The following LILRB1 variants were observed in gnomAD, a reference collection of about 807,000 sequenced individuals.
LILRB1 encodes leukocyte immunoglobulin-like receptor subfamily B member 1.
LILRB1 carries 59 observed loss-of-function variants against 74.6 expected under a neutral mutation model. That is an observed-to-expected ratio of 0.79 (90% CI 0.64 to 0.98). The LOEUF is 0.98. LILRB1 is among the 50% of genes least tolerant of loss of function. The probability of loss-of-function intolerance (pLI) is 0.00; values close to 1 mark genes in which losing one functional copy is unlikely to be tolerated. For synonymous variants in LILRB1, 328 were observed against 333.9 expected (o/e 0.98, Z 0.19); for missense variants, 804 against 822.6 (o/e 0.98, Z 0.28).
intron 4 of LILRB1, 53 bp downstream of exon 4, chr19:54,631,840 A>C: frequency 6.2e-7 from 1 of 1,601,478 alleles, no homozygotes; most frequent in Middle Eastern, 1.7e-4. Flanking sequence ...AGGAAGGGGG[A>C]CGGCTCTCAG....
At chr19:54,629,161 G>A (rs1345714917), upstream of LILRB1, among the ~76,000 whole-genome samples, 1 of 152,092 alleles carries the variant, frequency 6.6e-6, no homozygotes, top group African/African-American at 2.4e-5. Context: ...CAAAACTGTA[G>A]CATTTGTGGG....
intron 1 of LILRB1, among the ~76,000 whole-genome samples, chr19:54,624,360 T>C (rs112720397): frequency 0.94 from 142,596 of 151,862 alleles, 66,953 homozygotes; most frequent in East Asian, 1. Flanking sequence ...GACACACACT[T>C]TTGTCTCTCC....
rs931593747 is a variant in LILRB1, at chr19:54,636,938, C to G, written c.*60C>G. 5.6e-6 allele frequency: 9 copies of G among 1,604,574 alleles called. No homozygotes were observed. Among genetic ancestry groups the G allele is most frequent in the East Asian group, 4.5e-5 (2 of 44,774 alleles). The stretch of plus-strand genomic sequence containing the variant: ...GTCTGGAATGCATGGGAGCTGCCCC[C>G]CCAGTGGACACCATTGGACCCCACC... On this transcript the variant is annotated 3_prime_UTR_variant, in exon 15 of 15. Coordinates refer to ENST00000324602, the MANE Select transcript of LILRB1 (RefSeq NM_001081637.3).
chr19:54,633,814 G>A lies in LILRB1; in HGVS notation c.1312+126G>A, dbSNP rs527891283. 22 of 1,454,946 alleles carry A rather than the reference G, an allele frequency of 1.5e-5. No individual in the cohort carries two copies. In the African/African-American group the frequency reaches 3.1e-4, roughly 21 times the overall value. The allele number at this position is 1,454,946 out of a possible 1,614,324, so 90.1% of individuals were successfully genotyped here. ...CTCCAGGGAGCCGGGCAGAGCCAGA[G>A]GAGGGGCCACAGGGTCCCCAGGGCT... On this transcript the variant is annotated intron_variant, in intron 8 of 14. Coordinates refer to ENST00000324602, the MANE Select transcript of LILRB1 (RefSeq NM_001081637.3).
Position 54,621,154 on chromosome 19 carries a change from G to A in LILRB1, c.-166+3805G>A, listed in dbSNP as rs577180499. On this transcript the variant is annotated intron_variant, in intron 1 of 15. Transcript: ENST00000396331. ...CTCCCAAAGTGCTGGGATTACAGGC[G>A]TGAGCCACCACACCTGACCCAATTG... is the stretch of plus-strand genomic sequence containing the variant. Among the ~76,000 whole-genome samples the A allele has an allele frequency of 1.6e-4, 25 of 152,294 alleles. 1 individual carries two copies. In the South Asian group the frequency reaches 4.3e-3, roughly 26 times the overall value.
Position 54,635,110 on chromosome 19 carries a change from G to C in LILRB1, c.1493G>C (p.Arg498Thr). Residue 498 changes from arginine (R) to threonine (T), a missense_variant, in exon 11 of 15, where the codon AGA becomes ACA. By Grantham distance (71) the Arg-to-Thr change is moderately conservative. Transcript: ENST00000324602. Reference sequence around the variant, plus strand: ...TCTGTCCTTCTTCCCCCAGCCCAGAGAAAGGCTGATTTCCAACATCCTGCA... The same window carrying C: ...TCTGTCCTTCTTCCCCCAGCCCAGACAAAGGCTGATTTCCAACATCCTGCA... ...RQGKHWTSTQ[R>T]KADFQHPAGA... 7 of 1,576,058 alleles carry C rather than the reference G, an allele frequency of 4.4e-6. No individual in the cohort carries two copies. Among genetic ancestry groups the C allele is most frequent in the Non-Finnish European group, 6.1e-6 (7 of 1,153,514 alleles).
At chr19:54,628,656 G>A (rs1259161949), upstream of LILRB1, among the ~76,000 whole-genome samples, 1 of 152,068 alleles carries the variant, frequency 6.6e-6, no homozygotes, top group Non-Finnish European at 1.5e-5. Context: ...TACCCTCCCT[G>A]GGCATCACCC....
At chr19:54,630,329 G>T, upstream of LILRB1, 1 of 293,508 alleles carries the variant, frequency 3.4e-6, no homozygotes, top group Non-Finnish European at 6.8e-6. Flanking sequence ...GCACCGAGGA[G>T]GCAGGAAAGA....
rs922182752 is a variant in LILRB1 at position 54,631,428 on chromosome 19, C to T, written c.71-72C>T. The T allele has an allele frequency of 3.7e-6, 6 of 1,606,186 alleles. No individual in the cohort carries two copies. The Admixed American group carries it at 1.0e-4, about 27-fold the overall frequency. ...GACTGATGGGGGCGTCTGGAGGGTCCTGGGCTGAGAGCTGGAATCTGCTGG... is the reference window on the plus strand; with the variant it reads ...GACTGATGGGGGCGTCTGGAGGGTCTTGGGCTGAGAGCTGGAATCTGCTGG... On this transcript the variant is annotated intron_variant, in intron 3 of 14. Transcript: ENST00000324602.
At chr19:54,634,330 C>T (rs1004121462) in intron 9 of LILRB1, 1 of 1,540,896 alleles carries the variant, frequency 6.5e-7, no homozygotes, top group African/African-American at 1.4e-5. Flanking sequence ...GGAGAAGAGT[C>T]ATGGTTCAGG....
chr19:54,634,831 C>A, intron 10 of LILRB1, 68 bp downstream of exon 10: 1 of 1,577,284 alleles, frequency 6.3e-7, no homozygotes, highest in South Asian at 1.2e-5. Flanking sequence ...CAAAGAGAAT[C>A]CAAACCACTG....
chr19:54,627,599 A>G (rs1484935901), upstream of LILRB1, among the ~76,000 whole-genome samples: 2 of 152,294 alleles, frequency 1.3e-5, no homozygotes, highest in Middle Eastern at 3.4e-3. Flanking sequence ...TCGAGAAAAA[A>G]CTTGCCCAGC....
chr19:54,634,050 G>A (rs1346174788), intron 9 of LILRB1, 29 bp downstream of exon 9: 8 of 1,574,664 alleles, frequency 5.1e-6, no homozygotes, highest in Admixed American at 1.9e-5. Flanking sequence ...GTGGGAGGTG[G>A]GCAGGGTCCA....
At position 54,634,626 on chromosome 19, in the gene LILRB1, A is replaced by T; in HGVS notation, c.1364-15A>T. Reference sequence around the variant, plus strand: ...CAATGACATCACCCCCATCCCTGACATCATCGTGCTCAAGGTCTGGGAAGG... The same window carrying T: ...CAATGACATCACCCCCATCCCTGACTTCATCGTGCTCAAGGTCTGGGAAGG... On this transcript the variant is annotated splice_polypyrimidine_tract_variant and intron_variant, in intron 9 of 14. Coordinates refer to ENST00000324602, the MANE Select transcript of LILRB1 (RefSeq NM_001081637.3). The T allele has an allele frequency of 2.5e-6, 4 of 1,600,546 alleles. No individual in the cohort carries two copies. Among genetic ancestry groups the T allele is most frequent in the Non-Finnish European group, 3.4e-6 (4 of 1,171,132 alleles).
In LILRB1 at chr19:54,631,580, G is replaced by T. The variant is rs1401373541; in HGVS notation, c.151G>T (p.Gly51Trp). The change falls in exon 4 of 15, where the codon GGG becomes TGG. Residue 51 changes from glycine (G) to tryptophan (W), a missense_variant. Transcript: ENST00000324602. ...QGSPVTLRCQ[G>W]GQETQEYRLY... The stretch of plus-strand genomic sequence containing the variant: ...GAGTCCTGTGACCCTCAGGTGTCAG[G>T]GGGGCCAGGAGACCCAGGAGTACCG... 3 of 1,614,244 alleles carry T rather than the reference G, an allele frequency of 1.9e-6. No individual in the cohort carries two copies.
At chr19:54,616,539 CT>C (rs1236719775), upstream of LILRB1, among the ~76,000 whole-genome samples, 3 of 152,202 alleles carry the variant, frequency 2.0e-5, no homozygotes, top group Non-Finnish European at 2.9e-5. Flanking sequence ...TTTTGAGCTT[CT>C]TCTCTGCCAG....
chr19:54,630,044 A>G (rs2063718738), upstream of LILRB1, among the ~76,000 whole-genome samples: 1 of 152,174 alleles, frequency 6.6e-6, no homozygotes, highest in South Asian at 2.1e-4. Flanking sequence ...TGGTCTGGAA[A>G]TCAGGCACAA....
chr19:54,623,989 A>G (rs1327566077), intron 1 of LILRB1, among the ~76,000 whole-genome samples: 1 of 152,108 alleles, frequency 6.6e-6, no homozygotes, highest in Non-Finnish European at 1.5e-5. Flanking sequence ...GCTGGTGCTT[A>G]AGGGTAAGAG....
upstream of LILRB1, chr19:54,630,336 A>G: frequency 3.4e-6 from 1 of 293,270 alleles, no homozygotes; most frequent in South Asian, 3.1e-5. Context: ...GGAGGCAGGA[A>G]AGACTCAGAG....
Sources: allele counts gnomAD v4.1 joint callset (sites outside exome capture counted in the v4.1 genomes callset), GRCh38; gene constraint gnomAD v4.1.1; transcripts MANE v1.5; gene names NCBI Gene and HGNC (gene_info 2026-07-23, HGNC 2026-07-21).